PDE7B: variants seen among roughly 807,000 people sequenced by gnomAD.
PDE7B encodes the protein phosphodiesterase 7B, also known as 3',5'-cyclic-AMP phosphodiesterase 7B.
In PDE7B, 29 loss-of-function variants were observed where a neutral mutation model predicts 56.2. The observed-to-expected ratio is 0.52, with a 90% CI of 0.38 to 0.70. The LOEUF (loss-of-function observed/expected upper bound fraction) is 0.70. PDE7B is among the 30% of genes least tolerant of loss of function. PDE7B has a pLI of 0.00. For synonymous variants in PDE7B, 197 were observed against 196.9 expected (o/e 1.00, Z 0.00); for missense variants, 490 against 565.0 (o/e 0.87, Z 1.35).
At chr6:136,032,464 C>A (rs1776259687) in intron 2 of PDE7B, among the ~76,000 whole-genome samples, 1 of 152,194 alleles carries the variant, frequency 6.6e-6, no homozygotes, top group African/African-American at 2.4e-5. Flanking sequence ...GAGCCACATA[C>A]ATTGTTCTGT....
intron 1 of PDE7B, among the ~76,000 whole-genome samples, chr6:135,875,671 C>T: frequency 6.6e-6 from 1 of 152,196 alleles, no homozygotes; most frequent in African/African-American, 2.4e-5. Flanking sequence ...TTTTCAGGTT[C>T]ACATTCAATC....
intron 2 of PDE7B, chr6:136,037,987 T>C: frequency 8.0e-7 from 1 of 1,243,440 alleles, no homozygotes; most frequent in Non-Finnish European, 1.0e-6. Flanking sequence ...ATGCATTCTA[T>C]CTCTAAGGAA....
chr6:135,890,585 C>G (rs1216676830), intron 1 of PDE7B, among the ~76,000 whole-genome samples: 1 of 152,160 alleles, frequency 6.6e-6, no homozygotes, highest in African/African-American at 2.4e-5. Context: ...ATCATAAACT[C>G]TCCAAGGAGT....
intron 9 of PDE7B, among the ~76,000 whole-genome samples, chr6:136,177,867 A>G (rs764605889): frequency 1.9e-4 from 29 of 152,222 alleles, no homozygotes; most frequent in Non-Finnish European, 2.8e-4. Flanking sequence ...GAAAAAACTC[A>G]AGTGACCATG....
chr6:135,892,518 A>C (rs990881762), intron 1 of PDE7B, among the ~76,000 whole-genome samples: 24 of 152,298 alleles, frequency 1.6e-4, no homozygotes, highest in African/African-American at 5.5e-4. Flanking sequence ...CTTTCTAGTG[A>C]AGCATATGAA....
At chr6:136,091,318 G>C (rs1562490689) in intron 2 of PDE7B, among the ~76,000 whole-genome samples, 1 of 152,112 alleles carries the variant, frequency 6.6e-6, no homozygotes, top group Non-Finnish European at 1.5e-5. Flanking sequence ...CTGGGCTGAG[G>C]GGGAAATTCC....
intron 1 of PDE7B, among the ~76,000 whole-genome samples, chr6:135,878,624 G>C (rs1001894667): frequency 2.0e-5 from 3 of 152,104 alleles, no homozygotes; most frequent in African/African-American, 4.8e-5. Context: ...AGATGGCAGG[G>C]ATCAAAACTT....
intron 3 of PDE7B, among the ~76,000 whole-genome samples, chr6:136,112,099 T>C (rs1777759823): frequency 6.6e-6 from 1 of 151,940 alleles, no homozygotes; most frequent in Non-Finnish European, 1.5e-5. Context: ...CACCTCAGTA[T>C]ATGCATTGAA....
At chr6:136,113,653 C>G (rs564410819) in intron 3 of PDE7B, among the ~76,000 whole-genome samples, 1 of 152,160 alleles carries the variant, frequency 6.6e-6, no homozygotes, top group Non-Finnish European at 1.5e-5. Context: ...GGAAAAGTAA[C>G]GGCTGTATTC....
intron 2 of PDE7B, among the ~76,000 whole-genome samples, chr6:136,102,924 A>T (rs1777586712): frequency 6.6e-6 from 1 of 152,120 alleles, no homozygotes; most frequent in East Asian, 1.9e-4. Flanking sequence ...TTGTTTGGCG[A>T]CTCTAACTTA....
At chr6:136,111,747 G>C (rs115199570) in intron 3 of PDE7B, among the ~76,000 whole-genome samples, 40 of 152,270 alleles carry the variant, frequency 2.6e-4, no homozygotes, top group African/African-American at 8.4e-4. Context: ...TTTTCTCGTA[G>C]AACTTTTCTT....
At chr6:136,084,216 T>A (rs1452567863) in intron 2 of PDE7B, among the ~76,000 whole-genome samples, 1 of 152,074 alleles carries the variant, frequency 6.6e-6, no homozygotes, top group Non-Finnish European at 1.5e-5. Flanking sequence ...AACCCAAATA[T>A]CCCAATTCGC....
rs967696423 is a variant in PDE7B at position 136,058,173 on chromosome 6, C to T, written c.83-50558C>T. Among the ~76,000 whole-genome samples, 14 of 152,248 alleles carry T rather than the reference C, an allele frequency of 9.2e-5. 1 individual carries two copies. The South Asian group carries it at 1.5e-3, about 16-fold the overall frequency. On this transcript the variant is annotated intron_variant, in intron 2 of 12. Transcript: ENST00000308191. Reference sequence around the variant, plus strand: ...TTCCAAAGCACCAGATAGGGGGGAACTCAAAAATCAGGGGTTTTGTAAAGA... The same window carrying T: ...TTCCAAAGCACCAGATAGGGGGGAATTCAAAAATCAGGGGTTTTGTAAAGA...
intron 2 of PDE7B, among the ~76,000 whole-genome samples, chr6:136,058,062 A>G (rs1776769791): frequency 6.6e-6 from 1 of 152,158 alleles, no homozygotes; most frequent in Admixed American, 6.6e-5. Context: ...TAATGCAAAA[A>G]GACAATCTAT....
intron 2 of PDE7B, among the ~76,000 whole-genome samples, chr6:136,017,704 T>C (rs866632386): frequency 6.6e-6 from 1 of 152,126 alleles, no homozygotes; most frequent in African/African-American, 2.4e-5. Context: ...ATATAACTTT[T>C]TGAATTGGGT....
chr6:136,010,604 T>C (rs1775875864), intron 2 of PDE7B, among the ~76,000 whole-genome samples: 2 of 151,964 alleles, frequency 1.3e-5, no homozygotes, highest in East Asian at 3.9e-4. Flanking sequence ...CAGGGTTTGC[T>C]CCCCTTTTAG....
At chr6:135,912,302 A>T (rs913219813) in intron 1 of PDE7B, among the ~76,000 whole-genome samples, 1 of 152,228 alleles carries the variant, frequency 6.6e-6, no homozygotes, top group Non-Finnish European at 1.5e-5. Context: ...AAAATACAAC[A>T]ATAAAAAAAT....
At chr6:135,879,320 T>C (rs1268445548) in intron 1 of PDE7B, among the ~76,000 whole-genome samples, 7 of 152,124 alleles carry the variant, frequency 4.6e-5, no homozygotes, top group Admixed American at 4.6e-4. Flanking sequence ...AGGGAACAGA[T>C]AACAAGTCTC....
chr6:136,091,237 T>A (rs571788516), intron 2 of PDE7B, among the ~76,000 whole-genome samples: 39 of 152,316 alleles, frequency 2.6e-4, no homozygotes, highest in African/African-American at 9.4e-4. Context: ...AATATCTAAT[T>A]GAAAACAACT....
Sources: allele counts gnomAD v4.1 joint callset (sites outside exome capture counted in the v4.1 genomes callset), GRCh38; gene constraint gnomAD v4.1.1; transcripts MANE v1.5; gene names NCBI Gene and HGNC (gene_info 2026-07-23, HGNC 2026-07-21).